The following KCNK5 variants were observed in gnomAD, a reference collection of about 807,000 sequenced individuals.
The protein encoded by KCNK5 is potassium two pore domain channel subfamily K member 5, also known as potassium channel subfamily K member 5.
A neutral mutation model predicts 32.9 loss-of-function variants in KCNK5; 18 were observed. That is an observed-to-expected ratio of 0.55 (90% CI 0.38 to 0.81). KCNK5 has a LOEUF of 0.81. KCNK5 is among the 30% of genes least tolerant of loss of function. The pLI, the probability that KCNK5 is intolerant of heterozygous loss-of-function variation, is 0.00. For synonymous variants in KCNK5, 276 were observed against 275.3 expected (o/e 1.00, Z -0.03); for missense variants, 507 against 651.0 (o/e 0.78, Z 2.41).
chr6:39,198,817 G>A (rs1237978609), intron 1 of KCNK5, among the ~76,000 whole-genome samples: 5 of 152,166 alleles, frequency 3.3e-5, no homozygotes, highest in South Asian at 4.1e-4. Flanking sequence ...AGGGGGAGAT[G>A]GGGTGGCTGT....
intron 1 of KCNK5, among the ~76,000 whole-genome samples, chr6:39,221,629 C>T (rs1475519770): frequency 6.6e-6 from 1 of 152,170 alleles, no homozygotes; most frequent in East Asian, 1.9e-4. Flanking sequence ...CATCTCTCGC[C>T]CTGGTGCACA....
intron 1 of KCNK5, among the ~76,000 whole-genome samples, chr6:39,227,944 A>G (rs562099730): frequency 6.6e-6 from 1 of 152,294 alleles, no homozygotes; most frequent in African/African-American, 2.4e-5. Context: ...GCTGCAATCT[A>G]GAACTTTCAC....
chr6:39,210,017 G>A (rs1384014381), intron 1 of KCNK5, among the ~76,000 whole-genome samples: 2 of 152,216 alleles, frequency 1.3e-5, no homozygotes, highest in Non-Finnish European at 2.9e-5. Context: ...CCAGGGTTGT[G>A]GGGTAAGAGT....
At chr6:39,206,627 T>G (rs1046350140) in intron 1 of KCNK5, among the ~76,000 whole-genome samples, 1 of 152,110 alleles carries the variant, frequency 6.6e-6, no homozygotes, top group African/African-American at 2.4e-5. Flanking sequence ...GCACACAAGC[T>G]GGGCTGGCCA....
rs202240143 is a variant in KCNK5, at chr6:39,195,968, C to T, written c.206G>A (p.Gly69Glu). The change falls in exon 2 of 5, where the codon GGA (glycine) becomes GAA (glutamate). Residue 69 changes from glycine (G) to glutamate (E), a missense_variant. Gly to Glu is a moderately conservative substitution (Grantham distance 98, BLOSUM62 -2). Coordinates refer to ENST00000359534, the MANE Select transcript of KCNK5 (RefSeq NM_003740.4). Reference protein sequence around the residue: ...KILEVVSDAAGQGVAITGNQT... With the variant: ...KILEVVSDAAEQGVAITGNQT... Reference sequence around the variant, plus strand: ...GTTCCCTGTGATGGCCACACCCTGTCCTGCAGCATCAGATACCACCTAAAA... The same window carrying T: ...GTTCCCTGTGATGGCCACACCCTGTTCTGCAGCATCAGATACCACCTAAAA... The T allele has an allele frequency of 1.4e-4, 229 of 1,612,670 alleles. No individual in the cohort carries two copies. Among genetic ancestry groups the T allele is most frequent in the Non-Finnish European group, 1.8e-4 (208 of 1,179,292 alleles).
chr6:39,221,491 G>A (rs1771547682), intron 1 of KCNK5, among the ~76,000 whole-genome samples: 1 of 152,226 alleles, frequency 6.6e-6, no homozygotes, highest in African/African-American at 2.4e-5. Flanking sequence ...ACTGGTTCAA[G>A]GAGACACAGG....
chr6:39,200,821 T>C (rs1771122380), intron 1 of KCNK5, among the ~76,000 whole-genome samples: 1 of 152,118 alleles, frequency 6.6e-6, no homozygotes, highest in Admixed American at 6.5e-5. Flanking sequence ...AGACATCCCC[T>C]CATCCCCCAA....
At chr6:39,227,644 A>G (rs796171298) in intron 1 of KCNK5, among the ~76,000 whole-genome samples, 1 of 152,108 alleles carries the variant, frequency 6.6e-6, no homozygotes, top group East Asian at 1.9e-4. Flanking sequence ...CTGCCAGCAA[A>G]TACGTATATG....
intron 1 of KCNK5, among the ~76,000 whole-genome samples, chr6:39,216,240 G>A (rs1274367534): frequency 6.6e-6 from 1 of 152,144 alleles, no homozygotes; most frequent in Non-Finnish European, 1.5e-5. Flanking sequence ...AGCTGAGATC[G>A]TACCACTGCA....
At chr6:39,218,354 C>T (rs926323694) in intron 1 of KCNK5, among the ~76,000 whole-genome samples, 3 of 152,170 alleles carry the variant, frequency 2.0e-5, no homozygotes, top group African/African-American at 7.2e-5. Flanking sequence ...TAAGCATGAG[C>T]CACCACGCCC....
chr6:39,199,268 A>T (rs1022120644), intron 1 of KCNK5, among the ~76,000 whole-genome samples: 4 of 152,236 alleles, frequency 2.6e-5, no homozygotes, highest in African/African-American at 4.8e-5. Context: ...CTAAGGAGAC[A>T]TCAAACAAAA....
chr6:39,202,406 C>G (rs970453632), intron 1 of KCNK5, among the ~76,000 whole-genome samples: 1 of 152,086 alleles, frequency 6.6e-6, no homozygotes, highest in African/African-American at 2.4e-5. Flanking sequence ...TCCAACTGGT[C>G]TTGGGTTGCA....
chr6:39,229,227 T>G lies in KCNK5; in HGVS notation c.-116A>C. The G allele has an allele frequency of 9.9e-7, 1 of 1,010,798 alleles. No homozygotes were observed. Among genetic ancestry groups the G allele is most frequent in the Non-Finnish European group, 1.4e-6 (1 of 695,268 alleles). 62.6% of individuals were successfully genotyped at this position (1,010,798 alleles called of 1,614,324 possible). A position where few individuals can be genotyped will look rare whatever the true frequency, so the allele number is the denominator to read the frequency against. The stretch of plus-strand genomic sequence containing the variant: ...TGAATTTGGAGCTCCGCATGCGCAG[T>G]GCCCGGTACTCACCCCCCGCAAGCA... On this transcript the variant is annotated 5_prime_UTR_variant, in exon 1 of 5. Coordinates refer to ENST00000359534, the MANE Select transcript of KCNK5 (RefSeq NM_003740.4).
At chr6:39,227,813 G>A (rs1771702021) in intron 1 of KCNK5, among the ~76,000 whole-genome samples, 2 of 152,222 alleles carry the variant, frequency 1.3e-5, no homozygotes, top group South Asian at 4.1e-4. Flanking sequence ...CGACTAGATA[G>A]GCATAAAGTA....
At chr6:39,204,751 T>A (rs1260563529) in intron 1 of KCNK5, among the ~76,000 whole-genome samples, 1 of 152,166 alleles carries the variant, frequency 6.6e-6, no homozygotes, top group Non-Finnish European at 1.5e-5. Flanking sequence ...CCCCTGACAT[T>A]AGCACGGGGC....
At chr6:39,217,706 G>A (rs9471008) in intron 1 of KCNK5, among the ~76,000 whole-genome samples, 21,847 of 152,118 alleles carry the variant, frequency 0.14, 1,644 homozygotes, top group South Asian at 0.19. Context: ...TGCCCAGAGC[G>A]TGAGCCACCC....
chr6:39,229,413 T>G lies in KCNK5; in HGVS notation c.-302A>C. On this transcript the variant is annotated 5_prime_UTR_variant, in exon 1 of 5. Transcript: ENST00000359534. ...GAGCGGGAAGAACACAGGACTTGAC[T>G]CTGGGCAGACACGTGGGCCGCTTCT... 1 of 412,458 alleles carries G rather than the reference T, an allele frequency of 2.4e-6. No individual in the cohort carries two copies. The highest frequency in any genetic ancestry group is 4.5e-6 in the Non-Finnish European group (1 of 222,372). The allele number at this position is 412,458 out of a possible 1,614,324, so 25.5% of individuals were successfully genotyped here. A position where few individuals can be genotyped will look rare whatever the true frequency, so the allele number is the denominator to read the frequency against.
At chr6:39,225,308 C>CA (rs1771633603) in intron 1 of KCNK5, among the ~76,000 whole-genome samples, 1 of 152,222 alleles carries the variant, frequency 6.6e-6, no homozygotes, top group East Asian at 1.9e-4. Context: ...AAAACTGACT[C>CA]CGCTCTATGT....
chr6:39,204,622 C>A, intron 1 of KCNK5, among the ~76,000 whole-genome samples: 1 of 152,358 alleles, frequency 6.6e-6, no homozygotes, highest in East Asian at 1.9e-4. Context: ...GCTTGAACTG[C>A]GAACCAGGAT....
Sources: allele counts gnomAD v4.1 joint callset (sites outside exome capture counted in the v4.1 genomes callset), GRCh38; gene constraint gnomAD v4.1.1; transcripts MANE v1.5; gene names NCBI Gene and HGNC (gene_info 2026-07-23, HGNC 2026-07-21).